The following TBL1XR1 variants were observed in gnomAD, a reference collection of about 807,000 sequenced individuals.
TBL1XR1 encodes F-box-like/WD repeat-containing protein TBL1XR1.
Under a neutral mutation model 66.9 loss-of-function variants are expected in TBL1XR1, and 5 were observed. The ratio of observed to expected loss-of-function variants is 0.07; its 90% CI spans 0.04 to 0.16. The LOEUF (loss-of-function observed/expected upper bound fraction) is 0.16. TBL1XR1 is among the 10% of genes least tolerant of loss of function. The pLI, the probability that TBL1XR1 is intolerant of heterozygous loss-of-function variation, is 1.00. For missense variants in TBL1XR1, 238 were observed against 623.2 expected (o/e 0.38, Z 6.58); for synonymous variants, 210 against 206.0 (o/e 1.02, Z -0.17).
chr3:177,139,519 A>G (rs1290621679), intron 1 of TBL1XR1, among the ~76,000 whole-genome samples: 2 of 147,004 alleles, frequency 1.4e-5, no homozygotes, highest in Non-Finnish European at 3.0e-5. Flanking sequence ...TGGGTGACAA[A>G]GCAAGACTCC....
intron 1 of TBL1XR1, among the ~76,000 whole-genome samples, chr3:177,121,267 GTC>G (rs1215939803): frequency 6.6e-6 from 1 of 152,142 alleles, no homozygotes; most frequent in East Asian, 1.9e-4. Flanking sequence ...CCAGATTAAA[GTC>G]TCAAGAAATG....
chr3:177,095,627 G>A (rs935463184), intron 2 of TBL1XR1, among the ~76,000 whole-genome samples: 1 of 151,710 alleles, frequency 6.6e-6, no homozygotes, highest in Admixed American at 6.6e-5. Flanking sequence ...TTACAGGTGT[G>A]CGCCACCACG....
At chr3:177,154,482 T>G (rs1016547238) in intron 1 of TBL1XR1, among the ~76,000 whole-genome samples, 2 of 152,094 alleles carry the variant, frequency 1.3e-5, no homozygotes, top group Non-Finnish European at 2.9e-5. Context: ...CTGCAACTTG[T>G]ACCTCCCAGG....
In TBL1XR1 at chr3:177,053,227, T is replaced by C. The variant is rs565585429; in HGVS notation, c.204+546A>G. On this transcript the variant is annotated intron_variant, in intron 4 of 15. Coordinates refer to ENST00000457928, the MANE Select transcript of TBL1XR1 (RefSeq NM_024665.7). The stretch of plus-strand genomic sequence containing the variant: ...GGCTCTGCAGGCCATAAGGTCTCTG[T>C]CTCAACTACTATTATGCCATAAGTA... Among the ~76,000 whole-genome samples the C allele has an allele frequency of 4.6e-5, 7 of 152,334 alleles. No individual in the cohort carries two copies. The South Asian group carries it at 1.5e-3, about 32-fold the overall frequency.
intron 1 of TBL1XR1, among the ~76,000 whole-genome samples, chr3:177,168,079 T>C (rs534252907): frequency 6.6e-6 from 1 of 152,316 alleles, no homozygotes; most frequent in East Asian, 1.9e-4. Flanking sequence ...AGCTAAATTC[T>C]TCCATGTAAT....
At chr3:177,071,242 A>T (rs547816500) in intron 2 of TBL1XR1, among the ~76,000 whole-genome samples, 7 of 152,110 alleles carry the variant, frequency 4.6e-5, no homozygotes, top group African/African-American at 1.4e-4. Flanking sequence ...TAAGAATCTC[A>T]AAGAGTGGAA....
chr3:177,193,556 G>A (rs1317889294), intron 1 of TBL1XR1, among the ~76,000 whole-genome samples: 1 of 152,144 alleles, frequency 6.6e-6, no homozygotes, highest in African/African-American at 2.4e-5. Flanking sequence ...TGATCCGCCC[G>A]CCTTGGCCTT....
chr3:177,143,766 GGGT>G (rs1729907433), intron 1 of TBL1XR1, among the ~76,000 whole-genome samples: 2 of 152,142 alleles, frequency 1.3e-5, no homozygotes, highest in African/African-American at 4.8e-5. Context: ...TATATAAGAT[GGGT>G]CTCTGATAGT....
intron 1 of TBL1XR1, among the ~76,000 whole-genome samples, chr3:177,141,879 A>T (rs115733601): frequency 2.2e-3 from 341 of 152,298 alleles, no homozygotes; most frequent in Non-Finnish European, 4.1e-3. Context: ...AAAAGCAAGG[A>T]AATTCTGACA....
At chr3:177,082,738 T>TTATATATATATATATA (rs374510003) in intron 2 of TBL1XR1, among the ~76,000 whole-genome samples, 5,177 of 62,754 alleles carry the variant, frequency 0.082, 736 homozygotes, top group Middle Eastern at 0.12. Flanking sequence ...AAGATAGAGA[T>TTATATATATATATATA]TATATATATA....
At chr3:177,138,955 T>C (rs1290912430) in intron 1 of TBL1XR1, among the ~76,000 whole-genome samples, 2 of 152,098 alleles carry the variant, frequency 1.3e-5, no homozygotes, top group Non-Finnish European at 2.9e-5. Flanking sequence ...CCAAAACTAC[T>C]ATTCAAGAGA....
At chr3:177,173,937 T>A (rs1733854586) in intron 1 of TBL1XR1, among the ~76,000 whole-genome samples, 1 of 152,200 alleles carries the variant, frequency 6.6e-6, no homozygotes, top group African/African-American at 2.4e-5. Context: ...ATCAAAGAAA[T>A]TCTAATGACT....
At chr3:177,131,372 C>CA in intron 1 of TBL1XR1, 1 of 985,376 alleles carries the variant, frequency 1.0e-6, no homozygotes, top group Non-Finnish European at 1.2e-6. Flanking sequence ...CTTTTACACC[C>CA]ATTCCTTAAC....
At chr3:177,088,716 A>AG (rs1174796279) in intron 2 of TBL1XR1, among the ~76,000 whole-genome samples, 84 of 143,952 alleles carry the variant, frequency 5.8e-4, no homozygotes, top group Middle Eastern at 3.5e-3. Context: ...TGTTTAAAAA[A>AG]AAAAAAAAGA....
chr3:177,044,709 G>C (rs1458369764), intron 10 of TBL1XR1, among the ~76,000 whole-genome samples: 1 of 152,124 alleles, frequency 6.6e-6, no homozygotes, highest in East Asian at 1.9e-4. Context: ...TGGTAAGAAA[G>C]AATACGATGG....
chr3:177,071,148 A>G (rs1265888887), intron 2 of TBL1XR1, among the ~76,000 whole-genome samples: 2 of 148,508 alleles, frequency 1.3e-5, no homozygotes, highest in African/African-American at 5.0e-5. Context: ...CTACTGCCTT[A>G]GCCTCCCGAG....
chr3:177,053,738 GA>G, intron 4 of TBL1XR1, 34 bp downstream of exon 4: 1 of 1,588,030 alleles, frequency 6.3e-7, no homozygotes, highest in Non-Finnish European at 8.6e-7. Flanking sequence ...TATTTAAGAT[GA>G]AAAAAATCAG....
At chr3:177,083,235 A>G (rs1481473970) in intron 2 of TBL1XR1, among the ~76,000 whole-genome samples, 1 of 152,176 alleles carries the variant, frequency 6.6e-6, no homozygotes, top group African/African-American at 2.4e-5. Flanking sequence ...GAAATTACCA[A>G]TTCCATGAAT....
intron 1 of TBL1XR1, among the ~76,000 whole-genome samples, chr3:177,192,558 T>A (rs1397692758): frequency 1.3e-5 from 2 of 152,164 alleles, no homozygotes; most frequent in African/African-American, 4.8e-5. Flanking sequence ...ATAGTATATG[T>A]AAGCCTTAAA....
Sources: allele counts gnomAD v4.1 joint callset (sites outside exome capture counted in the v4.1 genomes callset), GRCh38; gene constraint gnomAD v4.1.1; transcripts MANE v1.5; gene names NCBI Gene and HGNC (gene_info 2026-07-23, HGNC 2026-07-21).